Variants in AIG1 observed in about 807,000 individuals in gnomAD.
AIG1 encodes the protein androgen-induced gene 1 protein.
Under a neutral mutation model 31.4 loss-of-function variants are expected in AIG1, and 23 were observed. The observed-to-expected ratio is 0.73, with a 90% CI of 0.53 to 1.04. AIG1 has a LOEUF of 1.04. AIG1 is among the 50% of genes least tolerant of loss of function. The probability of loss-of-function intolerance (pLI) is 0.00; values close to 1 mark genes in which losing one functional copy is unlikely to be tolerated. For missense variants in AIG1, 274 were observed against 295.0 expected (o/e 0.93, Z 0.52); for synonymous variants, 100 against 110.5 (o/e 0.90, Z 0.60).
chr6:143,307,260 G>A (rs950217083), intron 4 of AIG1, among the ~76,000 whole-genome samples: 24 of 152,186 alleles, frequency 1.6e-4, no homozygotes, highest in African/African-American at 5.6e-4. Flanking sequence ...GTGTTCCTTT[G>A]GAGGAGGAGA....
intron 4 of AIG1, among the ~76,000 whole-genome samples, chr6:143,320,253 G>C (rs1036074683): frequency 6.6e-6 from 1 of 152,182 alleles, no homozygotes; most frequent in African/African-American, 2.4e-5. Flanking sequence ...GGGAACCCTT[G>C]TACACTGTTG....
At chr6:143,196,339 G>A (rs1296862213) in intron 3 of AIG1, among the ~76,000 whole-genome samples, 1 of 127,612 alleles carries the variant, frequency 7.8e-6, no homozygotes, top group Non-Finnish European at 1.6e-5. Context: ...CACATCAAAA[G>A]CAACAAAAGC....
chr6:143,219,360 C>T (rs1432297603), intron 3 of AIG1, among the ~76,000 whole-genome samples: 1 of 152,108 alleles, frequency 6.6e-6, no homozygotes, highest in Non-Finnish European at 1.5e-5. Flanking sequence ...GTCCCAGCTA[C>T]TTGGGAGGCT....
intron 3 of AIG1, among the ~76,000 whole-genome samples, chr6:143,260,634 G>A (rs59572336): frequency 0.067 from 10,238 of 152,194 alleles, 894 homozygotes; most frequent in African/African-American, 0.2. Flanking sequence ...CTTGTGCCAG[G>A]TACTGTAGTG....
intron 3 of AIG1, among the ~76,000 whole-genome samples, chr6:143,259,097 C>G (rs767091123): frequency 3.9e-5 from 6 of 152,160 alleles, no homozygotes; most frequent in Admixed American, 6.5e-5. Context: ...TCTCTTTGCA[C>G]ACATCCACTT....
At position 143,325,892 on chromosome 6, in the gene AIG1, T is replaced by A. The variant is rs1028601502; in HGVS notation, c.516-7390T>A. 1.3e-5 allele frequency among the ~76,000 whole-genome samples: 2 copies of A among 152,334 alleles called. No homozygotes were observed. Among genetic ancestry groups the A allele is most frequent in the Admixed American group, 1.3e-4 (2 of 15,300 alleles). ...TGGAGGCAAGGGAGGGAATACCTGA[T>A]GTGTAACATTTGCCCATATCCTTGG... is the stretch of plus-strand genomic sequence containing the variant. On this transcript the variant is annotated intron_variant, in intron 4 of 5. Coordinates refer to ENST00000357847, the MANE Select transcript of AIG1 (RefSeq NM_016108.4). The surrounding 1 kb of genome is among the most constrained non-coding windows in gnomAD (Gnocchi z 4.3).
intron 1 of AIG1, among the ~76,000 whole-genome samples, chr6:143,112,142 T>G (rs1477098530): frequency 6.6e-6 from 1 of 152,210 alleles, no homozygotes; most frequent in Non-Finnish European, 1.5e-5. Flanking sequence ...TAGTCTCCTC[T>G]TGACACTACC....
intron 2 of AIG1, among the ~76,000 whole-genome samples, chr6:143,158,040 A>G (rs989554509): frequency 2.0e-5 from 3 of 152,250 alleles, no homozygotes; most frequent in African/African-American, 7.2e-5. Context: ...ATTTTCCACT[A>G]CTGCCTTTCC....
At position 143,234,140 on chromosome 6, in the gene AIG1, G is replaced by A. The variant is rs535344960; in HGVS notation, c.400-49970G>A. 1.4e-4 allele frequency among the ~76,000 whole-genome samples: 21 copies of A among 152,314 alleles called. 2 individuals carry two copies. The highest frequency in any genetic ancestry group is 5.1e-4 in the African/African-American group (21 of 41,566). On this transcript the variant is annotated intron_variant, in intron 3 of 5. Transcript: ENST00000357847. Reference sequence around the variant, plus strand: ...ACACCTCTGCCCATCTAGGTCGGGGGTTGGTGGTCGGCGGGGGGACTATGT... The same window carrying A: ...ACACCTCTGCCCATCTAGGTCGGGGATTGGTGGTCGGCGGGGGGACTATGT...
chr6:143,282,165 G>T (rs563903244), intron 3 of AIG1, among the ~76,000 whole-genome samples: 1 of 152,130 alleles, frequency 6.6e-6, no homozygotes, highest in East Asian at 1.9e-4. Context: ...TAAAAATGGA[G>T]GATTTTCTAC....
At chr6:143,140,257 A>C (rs1344271609) in intron 2 of AIG1, among the ~76,000 whole-genome samples, 2 of 152,184 alleles carry the variant, frequency 1.3e-5, no homozygotes, top group Admixed American at 1.3e-4. Context: ...CGACACACAG[A>C]GATTATGGGA....
chr6:143,290,085 T>C (rs1164510188), intron 4 of AIG1, among the ~76,000 whole-genome samples: 2 of 152,076 alleles, frequency 1.3e-5, no homozygotes, highest in Non-Finnish European at 2.9e-5. Flanking sequence ...CCAAGATGAA[T>C]GAAGGTGATA....
At position 143,338,858 on chromosome 6, in the gene AIG1, T is replaced by G. The variant is rs1367622795; in HGVS notation, c.680-781T>G. ...CTATTGAAACAAAGAAACTGAGAAT[T>G]TGGTATGATTCAAAAAATGTTTAGG... On this transcript the variant is annotated intron_variant, in intron 5 of 5. Transcript: ENST00000357847. This position sits in a 1 kb window ranked among gnomAD's most constrained non-coding sequence, Gnocchi z 4.3. 1 of 152,186 alleles carries G rather than the reference T, an allele frequency of 6.6e-6. No homozygotes were observed. The highest frequency in any genetic ancestry group is 1.5e-5 in the Non-Finnish European group (1 of 68,032). The allele number at this position is 152,186 out of a possible 1,614,324, so 9.4% of individuals were successfully genotyped here.
intron 1 of AIG1, among the ~76,000 whole-genome samples, chr6:143,109,772 A>T (rs1781111402): frequency 6.6e-6 from 1 of 152,194 alleles, no homozygotes. Flanking sequence ...GTTTTAAAAA[A>T]AATTTGTTCA....
intron 3 of AIG1, among the ~76,000 whole-genome samples, chr6:143,201,905 G>A (rs752257268): frequency 3.3e-5 from 5 of 152,114 alleles, no homozygotes; most frequent in African/African-American, 7.2e-5. Context: ...CCATCCTTAC[G>A]TTTTTTCTGT....
At chr6:143,118,161 G>A (rs779848311) in intron 1 of AIG1, among the ~76,000 whole-genome samples, 6 of 152,032 alleles carry the variant, frequency 3.9e-5, no homozygotes, top group Admixed American at 6.5e-5. Context: ...GCTCACGCCC[G>A]GTGAGCACAT....
chr6:143,208,890 C>T (rs1352524389), intron 3 of AIG1, among the ~76,000 whole-genome samples: 4 of 152,118 alleles, frequency 2.6e-5, no homozygotes, highest in Admixed American at 6.6e-5. Flanking sequence ...GTGGAGTGCT[C>T]AGGGAAGCTG....
At chr6:143,126,606 C>T (rs1167991783) in intron 1 of AIG1, among the ~76,000 whole-genome samples, 1 of 152,116 alleles carries the variant, frequency 6.6e-6, no homozygotes, top group Non-Finnish European at 1.5e-5. Flanking sequence ...CATTATTTAA[C>T]TTCTTTTAGT....
At position 143,292,719 on chromosome 6, in the gene AIG1, G is replaced by A. The variant is rs1798138900; in HGVS notation, c.515+8494G>A. Among the ~76,000 whole-genome samples the A allele has an allele frequency of 6.6e-6, 1 of 152,148 alleles. No individual in the cohort carries two copies. The highest frequency in any genetic ancestry group is 1.5e-5 in the Non-Finnish European group (1 of 68,028). On this transcript the variant is annotated intron_variant, in intron 4 of 5. Transcript: ENST00000357847. The surrounding 1 kb of genome is among the most constrained non-coding windows in gnomAD (Gnocchi z 4.9). ...TGAACAAATCACTTAATCTCTATGGGCCTCAATTTCCTTATCCGAAACAAA... is the reference window on the plus strand; with the variant it reads ...TGAACAAATCACTTAATCTCTATGGACCTCAATTTCCTTATCCGAAACAAA...
Sources: allele counts gnomAD v4.1 joint callset (sites outside exome capture counted in the v4.1 genomes callset), GRCh38; gene constraint gnomAD v4.1.1; non-coding constraint Gnocchi (gnomAD v3.1); transcripts MANE v1.5; gene names NCBI Gene and HGNC (gene_info 2026-07-23, HGNC 2026-07-21).